MAP2K5: variants seen among roughly 807,000 people sequenced by gnomAD.
The protein encoded by MAP2K5 is dual specificity mitogen-activated protein kinase kinase 5.
Under a neutral mutation model 83.1 loss-of-function variants are expected in MAP2K5, and 49 were observed. The observed-to-expected ratio is 0.59, with a 90% CI of 0.47 to 0.75. The LOEUF is 0.75. Ranked by LOEUF, MAP2K5 falls within the 30% of genes least tolerant of loss-of-function variation. The pLI, the probability that MAP2K5 is intolerant of heterozygous loss-of-function variation, is 0.00. For synonymous variants in MAP2K5, 202 were observed against 191.8 expected (o/e 1.05, Z -0.44); for missense variants, 457 against 557.5 (o/e 0.82, Z 1.82).
At chr15:67,765,251 C>T (rs57874766) in intron 19 of MAP2K5, among the ~76,000 whole-genome samples, 16,643 of 152,218 alleles carry the variant, frequency 0.11, 1,017 homozygotes, top group South Asian at 0.18. Flanking sequence ...CCCAGCTACT[C>T]GGGAGGCTAA....
Position 67,668,299 on chromosome 15 carries a change from T to G in MAP2K5, c.847+3654T>G, listed in dbSNP as rs1490585427. Among the ~76,000 whole-genome samples the G allele has an allele frequency of 1.3e-5, 2 of 152,134 alleles. No individual in the cohort carries two copies. Among genetic ancestry groups the G allele is most frequent in the African/African-American group, 2.4e-5 (1 of 41,422 alleles). On this transcript the variant is annotated intron_variant, in intron 13 of 21. Coordinates refer to ENST00000178640, the MANE Select transcript of MAP2K5 (RefSeq NM_145160.3). This position sits in a 1 kb window ranked among gnomAD's most constrained non-coding sequence, Gnocchi z 4.0. ...ATACTTTATATTACTGAGTCAAAAATTATGAAAATCTTTTCTCTAAAATAA... is the reference window on the plus strand; with the variant it reads ...ATACTTTATATTACTGAGTCAAAAAGTATGAAAATCTTTTCTCTAAAATAA...
Position 67,698,877 on chromosome 15 carries a change from C to T in MAP2K5, c.973-4460C>T, listed in dbSNP as rs1027364700. On this transcript the variant is annotated intron_variant, in intron 15 of 21. Transcript: ENST00000178640. The surrounding 1 kb of genome is among the most constrained non-coding windows in gnomAD (Gnocchi z 4.5). Reference sequence around the variant, plus strand: ...ATTAACTGAGCATTCCCATGTGGCACGTACTGAAGCACATTACGGGATTCA... The same window carrying T: ...ATTAACTGAGCATTCCCATGTGGCATGTACTGAAGCACATTACGGGATTCA... Among the ~76,000 whole-genome samples the T allele has an allele frequency of 2.6e-5, 4 of 152,182 alleles. No homozygotes were observed. The highest frequency in any genetic ancestry group is 7.2e-5 in the African/African-American group (3 of 41,444).
At chr15:67,745,099 T>A (rs980435553) in intron 17 of MAP2K5, among the ~76,000 whole-genome samples, 5 of 152,270 alleles carry the variant, frequency 3.3e-5, no homozygotes, top group African/African-American at 1.2e-4. Context: ...TTCTAGAGAC[T>A]GATTAACAAA....
intron 8 of MAP2K5, among the ~76,000 whole-genome samples, chr15:67,617,916 ACT>A (rs1021053624): frequency 1.6e-4 from 24 of 151,270 alleles, no homozygotes; most frequent in Non-Finnish European, 3.2e-4. Context: ...CTGGTCTTGA[ACT>A]CTTGGACTCA....
At chr15:67,681,663 C>G (rs998231067) in intron 13 of MAP2K5, among the ~76,000 whole-genome samples, 3 of 152,156 alleles carry the variant, frequency 2.0e-5, no homozygotes, top group African/African-American at 7.2e-5. Flanking sequence ...AACACCTAAA[C>G]TTGATATTTT....
rs2088066315 is a variant in MAP2K5 at position 67,690,086 on chromosome 15, T to A, written c.848-2393T>A. On this transcript the variant is annotated intron_variant, in intron 13 of 21. Coordinates refer to ENST00000178640, the MANE Select transcript of MAP2K5 (RefSeq NM_145160.3). This position sits in a 1 kb window ranked among gnomAD's most constrained non-coding sequence, Gnocchi z 4.3. ...TTTTATATGTGGTCCAAGACAGTTC[T>A]TCTTCCAATGTGGCCCAGGGAAGCC... Among the ~76,000 whole-genome samples, 1 of 152,190 alleles carries A rather than the reference T, an allele frequency of 6.6e-6. No individual in the cohort carries two copies. The highest frequency in any genetic ancestry group is 1.5e-5 in the Non-Finnish European group (1 of 68,032).
intron 8 of MAP2K5, among the ~76,000 whole-genome samples, chr15:67,624,600 T>TGTGTGC (rs1227392585): frequency 7.2e-4 from 8 of 11,110 alleles, no homozygotes; most frequent in African/African-American, 1.6e-3. Flanking sequence ...TGTGTGTGTG[T>TGTGTGC]GTGTGTGTGT....
rs2090072528 is a variant in MAP2K5 at position 67,768,008 on chromosome 15, A to G, written c.1135-1594A>G. ...TAAAGAGGACAGATATGCAAAAACC[A>G]AGAAACATTTTGTTCATGTTTCTTT... On this transcript the variant is annotated intron_variant, in intron 19 of 21. Coordinates refer to ENST00000178640, the MANE Select transcript of MAP2K5 (RefSeq NM_145160.3). The surrounding 1 kb of genome is among the most constrained non-coding windows in gnomAD (Gnocchi z 4.0). Among the ~76,000 whole-genome samples, 1 of 152,192 alleles carries G rather than the reference A, an allele frequency of 6.6e-6. No homozygotes were observed. Among genetic ancestry groups the G allele is most frequent in the Non-Finnish European group, 1.5e-5 (1 of 68,032 alleles).
intron 13 of MAP2K5, among the ~76,000 whole-genome samples, chr15:67,685,573 TTAAA>T (rs1432026684): frequency 6.6e-6 from 1 of 152,090 alleles, no homozygotes; most frequent in Admixed American, 6.5e-5. Context: ...ATATAATTAT[TTAAA>T]GGAAAAATAA....
At chr15:67,737,387 A>G (rs2089366313) in intron 17 of MAP2K5, among the ~76,000 whole-genome samples, 1 of 152,202 alleles carries the variant, frequency 6.6e-6, no homozygotes, top group African/African-American at 2.4e-5. Context: ...TCCAAGTTAA[A>G]AAGGGGACAG....
chr15:67,560,679 A>T (rs2084717146), intron 2 of MAP2K5, among the ~76,000 whole-genome samples: 1 of 152,244 alleles, frequency 6.6e-6, no homozygotes, highest in Non-Finnish European at 1.5e-5. Context: ...GTAATGTTTC[A>T]TAGCTACTTT....
At position 67,677,287 on chromosome 15, in the gene MAP2K5, G is replaced by A. The variant is rs963466989; in HGVS notation, c.847+12642G>A. Reference sequence around the variant, plus strand: ...CCTCTAGTTTTGTGTCCTTGGGCAAGTAATTTCATTAATTTGAACCTCAAT... The same window carrying A: ...CCTCTAGTTTTGTGTCCTTGGGCAAATAATTTCATTAATTTGAACCTCAAT... On this transcript the variant is annotated intron_variant, in intron 13 of 21. Transcript: ENST00000178640. The surrounding 1 kb of genome is among the most constrained non-coding windows in gnomAD (Gnocchi z 4.2). Among the ~76,000 whole-genome samples, 3 of 152,146 alleles carry A rather than the reference G, an allele frequency of 2.0e-5. No homozygotes were observed. Among genetic ancestry groups the A allele is most frequent in the African/African-American group, 7.2e-5 (3 of 41,452 alleles).
intron 12 of MAP2K5, among the ~76,000 whole-genome samples, chr15:67,663,839 C>T (rs555418725): frequency 1.3e-5 from 2 of 152,270 alleles, no homozygotes; most frequent in Non-Finnish European, 2.9e-5. Context: ...TGCACCACTG[C>T]ACTCCAGCCT....
At chr15:67,598,388 T>TG (rs1295709686) in intron 7 of MAP2K5, among the ~76,000 whole-genome samples, 2 of 152,202 alleles carry the variant, frequency 1.3e-5, no homozygotes, top group Non-Finnish European at 2.9e-5. Flanking sequence ...ATGAGACTCT[T>TG]GCAATCCTCC....
chr15:67,696,069 A>G (rs1225800840), intron 15 of MAP2K5, among the ~76,000 whole-genome samples: 2 of 151,330 alleles, frequency 1.3e-5, no homozygotes, highest in African/African-American at 4.9e-5. Flanking sequence ...TTATTATAGT[A>G]CAGGTATGAA....
intron 8 of MAP2K5, among the ~76,000 whole-genome samples, chr15:67,612,191 C>T (rs989764907): frequency 6.6e-6 from 1 of 151,430 alleles, no homozygotes; most frequent in African/African-American, 2.4e-5. Context: ...AGTTAGTTTC[C>T]CTCCTCTCAC....
chr15:67,545,584 A>T (rs1316684211), intron 1 of MAP2K5, among the ~76,000 whole-genome samples: 1 of 152,214 alleles, frequency 6.6e-6, no homozygotes, highest in Admixed American at 6.5e-5. Flanking sequence ...TCTCTTACTC[A>T]TTTAAAACAA....
rs2084826865 is a variant in MAP2K5, at chr15:67,565,881, A to C, written c.252+2531A>C. Among the ~76,000 whole-genome samples, 1 of 152,180 alleles carries C rather than the reference A, an allele frequency of 6.6e-6. No individual in the cohort carries two copies. Among genetic ancestry groups the C allele is most frequent in the African/African-American group, 2.4e-5 (1 of 41,434 alleles). ...TGCCTCAGCCTCCCAAGGTGCTGGA[A>C]TTACAGGCGTGAGCCAAGGTGCCTG... is the stretch of plus-strand genomic sequence containing the variant. On this transcript the variant is annotated intron_variant, in intron 3 of 21. Transcript: ENST00000178640. The surrounding 1 kb of genome is among the most constrained non-coding windows in gnomAD (Gnocchi z 4.1).
At chr15:67,548,928 C>T (rs2140942672) in intron 1 of MAP2K5, 1 of 823,052 alleles carries the variant, frequency 1.2e-6, no homozygotes, top group Non-Finnish European at 1.7e-6. Flanking sequence ...AAAAAAAAAG[C>T]ACTATAGAGG....
Sources: gnomAD v4.1 joint callset for allele counts (sites outside exome capture counted in the v4.1 genomes callset) on GRCh38, gnomAD v4.1.1 for gene constraint, Gnocchi (gnomAD v3.1) non-coding constraint, MANE v1.5 for transcripts, NCBI Gene and HGNC (gene_info 2026-07-23, HGNC 2026-07-21) for gene names.